The following GPC3 variants were observed in gnomAD, a reference collection of about 807,000 sequenced individuals.
The protein encoded by GPC3 is glypican-3.
In GPC3, 3 loss-of-function variants were observed where a neutral mutation model predicts 34.4. The ratio of observed to expected loss-of-function variants is 0.09; its 90% CI spans 0.04 to 0.23. The LOEUF is 0.23. Among genes scored for constraint, GPC3 ranks in the 10% least tolerant of loss-of-function variants. The pLI, the probability that GPC3 is intolerant of heterozygous loss-of-function variation, is 1.00. For synonymous variants in GPC3, 177 were observed against 174.0 expected, an observed-to-expected ratio of 1.02 and a Z score of -0.13; for missense variants, 351 against 445.6, an observed-to-expected ratio of 0.79 and a Z score of 1.91.
chrX:133,936,075 G>A (rs1239613197), intron 2 of GPC3, among the ~76,000 whole-genome samples: 1 of 108,446 alleles, frequency 9.2e-6, no homozygotes, highest in East Asian at 2.9e-4. Flanking sequence ...ACTGTGCTCA[G>A]CTTATTATTA....
intron 3 of GPC3, among the ~76,000 whole-genome samples, chrX:133,708,931 T>A (rs1370225158): frequency 8.9e-6 from 1 of 112,460 alleles, no homozygotes; most frequent in Non-Finnish European, 1.9e-5. Flanking sequence ...TATTTAACAC[T>A]CAAGAAATAA....
At chrX:133,909,121 C>CTA (rs1223183366) in intron 2 of GPC3, among the ~76,000 whole-genome samples, 7 of 112,321 alleles carry the variant, frequency 6.2e-5, no homozygotes, top group African/African-American at 2.3e-4. Context: ...AGGGTGCCCT[C>CTA]TATATAGTAA....
chrX:133,835,958 G>C (rs933696567), intron 2 of GPC3, among the ~76,000 whole-genome samples: 32 of 112,904 alleles, frequency 2.8e-4, no homozygotes, highest in African/African-American at 1.0e-3. Context: ...TAGAGAAGTA[G>C]TGATATCCAC....
chrX:133,709,184 A>G (rs1165938930), intron 3 of GPC3, among the ~76,000 whole-genome samples: 1 of 112,315 alleles, frequency 8.9e-6, no homozygotes, highest in African/African-American at 3.2e-5. Context: ...CTTAGAAAAA[A>G]AAGTGCTTTT....
intron 2 of GPC3, among the ~76,000 whole-genome samples, chrX:133,794,108 A>G (rs1479803866): frequency 8.9e-6 from 1 of 112,339 alleles, no homozygotes; most frequent in African/African-American, 3.2e-5. Context: ...CCTTTAAAGC[A>G]CTTCTTTTTC....
intron 4 of GPC3, among the ~76,000 whole-genome samples, chrX:133,697,993 G>T (rs1443961922): frequency 8.9e-6 from 1 of 112,320 alleles, no homozygotes; most frequent in Non-Finnish European, 1.9e-5. Flanking sequence ...CACAAGGGTG[G>T]AGGGAACTGT....
intron 2 of GPC3, among the ~76,000 whole-genome samples, chrX:133,802,956 T>C (rs1386783044): frequency 1.9e-5 from 2 of 104,756 alleles, no homozygotes; most frequent in African/African-American, 7.1e-5. Flanking sequence ...GTTTCACTCT[T>C]GTTGCCCATG....
At chrX:133,841,027 T>C (rs2075821429) in intron 2 of GPC3, among the ~76,000 whole-genome samples, 1 of 108,143 alleles carries the variant, frequency 9.2e-6, no homozygotes, top group Non-Finnish European at 1.9e-5. Flanking sequence ...ATGTATTGCC[T>C]ATATTTTTAA....
At chrX:133,896,144 C>T (rs1426804932) in intron 2 of GPC3, among the ~76,000 whole-genome samples, 1 of 111,283 alleles carries the variant, frequency 9.0e-6, no homozygotes. Context: ...GGTACATCAC[C>T]TGAGATCAGG....
intron 2 of GPC3, among the ~76,000 whole-genome samples, chrX:133,896,906 CTTT>C (rs1377700485): frequency 2.2e-5 from 2 of 92,432 alleles, no homozygotes; most frequent in Non-Finnish European, 2.1e-5. Flanking sequence ...ACTCTGTGAC[CTTT>C]TTTTTTTTTT....
At chrX:133,982,001 C>A (rs1201947132) in intron 1 of GPC3, among the ~76,000 whole-genome samples, 2 of 111,396 alleles carry the variant, frequency 1.8e-5, no homozygotes, top group Admixed American at 9.5e-5. Context: ...CTTACACTAC[C>A]CCCCTCCCCC....
At chrX:133,611,069 T>C (rs1232147512) in intron 6 of GPC3, among the ~76,000 whole-genome samples, 1 of 109,774 alleles carries the variant, frequency 9.1e-6, no homozygotes, top group Non-Finnish European at 1.9e-5. Context: ...TGAGGGCAGG[T>C]AAAGTGAAAA....
chrX:133,729,270 G>A (rs1446648030), intron 3 of GPC3, among the ~76,000 whole-genome samples: 1 of 111,221 alleles, frequency 9.0e-6, no homozygotes, highest in African/African-American at 3.3e-5. Context: ...TTCCGGACTG[G>A]AGTAAAAAGG....
intron 7 of GPC3, among the ~76,000 whole-genome samples, chrX:133,562,995 T>A (rs2069552505): frequency 9.0e-6 from 1 of 111,467 alleles, no homozygotes; most frequent in Non-Finnish European, 1.9e-5. Flanking sequence ...TCCCAGTTTG[T>A]GGATCAAAGA....
intron 6 of GPC3, among the ~76,000 whole-genome samples, chrX:133,635,266 C>A (rs763723322): frequency 3.6e-5 from 4 of 110,892 alleles, no homozygotes; most frequent in Non-Finnish European, 7.5e-5. Context: ...TCCAACAACA[C>A]GAAAATGACA....
intron 5 of GPC3, among the ~76,000 whole-genome samples, chrX:133,663,411 C>T (rs1012829060): frequency 1.8e-5 from 2 of 111,558 alleles, no homozygotes; most frequent in African/African-American, 6.5e-5. Flanking sequence ...AGGTGTGAGC[C>T]ACCGAGCCTG....
At position 133,800,811 on chromosome X, in the gene GPC3, T is replaced by C. The variant is rs764089905; in HGVS notation, c.338-46635A>G. Among the ~76,000 whole-genome samples the C allele has an allele frequency of 7.2e-5, 8 of 111,797 alleles. No individual in the cohort carries two copies. In the East Asian group the frequency reaches 2.2e-3, roughly 31 times the overall value. Reference sequence around the variant, plus strand: ...TGGAGTTCAACTAGATTGAAATGCATCATGGAAGAAGACCACCAATGTGTG... The same window carrying C: ...TGGAGTTCAACTAGATTGAAATGCACCATGGAAGAAGACCACCAATGTGTG... On this transcript the variant is annotated intron_variant, in intron 2 of 7. Transcript: ENST00000370818.
At chrX:133,554,709 A>G (rs988957212) in intron 7 of GPC3, among the ~76,000 whole-genome samples, 3 of 110,664 alleles carry the variant, frequency 2.7e-5, no homozygotes, top group African/African-American at 9.9e-5. Context: ...TGCTCTCTTT[A>G]AAATAGCCAA....
At chrX:133,936,122 G>A (rs1379605202) in intron 2 of GPC3, among the ~76,000 whole-genome samples, 1 of 105,831 alleles carries the variant, frequency 9.4e-6, no homozygotes, top group African/African-American at 3.5e-5. Context: ...ATGGTGTTTC[G>A]CCATATTGCC....
Sources: gnomAD v4.1 joint callset for allele counts (sites outside exome capture counted in the v4.1 genomes callset) on GRCh38, gnomAD v4.1.1 for gene constraint, MANE v1.5 for transcripts, NCBI Gene and HGNC (gene_info 2026-07-23, HGNC 2026-07-21) for gene names.